SI: variants seen among roughly 807,000 people sequenced by gnomAD.
SI encodes sucrase-isomaltase, also known as sucrase-isomaltase, intestinal.
Under a neutral mutation model 253.3 loss-of-function variants are expected in SI, and 235 were observed. That is an observed-to-expected ratio of 0.93 (90% CI 0.83 to 1.03). The LOEUF is 1.03. SI is among the 50% of genes least tolerant of loss of function. The probability of loss-of-function intolerance (pLI) is 0.00; values close to 1 mark genes in which losing one functional copy is unlikely to be tolerated. For missense variants in SI, 2,442 were observed against 2,211.1 expected (o/e 1.10, Z -2.09); for synonymous variants, 819 against 712.0 (o/e 1.15, Z -2.39).
chr3:165,027,822 C>T (rs1004651873), intron 25 of SI, among the ~76,000 whole-genome samples: 6 of 151,572 alleles, frequency 4.0e-5, no homozygotes, highest in Non-Finnish European at 7.4e-5. Context: ...GACAAACCCA[C>T]AGCCAACGTA....
chr3:165,030,861 G>T lies in SI; in HGVS notation c.2743C>A (p.Leu915Ile). 6.6e-7 allele frequency: 1 copy of T among 1,510,520 alleles called. No homozygotes were observed. The highest frequency in any genetic ancestry group is 2.5e-5 in the East Asian group (1 of 40,726). 93.6% of individuals were successfully genotyped at this position (1,510,520 alleles called of 1,614,324 possible). A position where few individuals can be genotyped will look rare whatever the true frequency, so the allele number is the denominator to read the frequency against. ...FTYDASNQVL[L>I]IADLKLNLGR... ...AGATTAAGTTTGAGATCTGCAATTA[G>T]GAGAACCTTTGAAGACAAAAAAAAA... The change falls in exon 25 of 48, where the codon CTA becomes ATA. Residue 915 changes from leucine to isoleucine, a missense_variant. By Grantham distance (5) the Leu-to-Ile change is conservative. Coordinates refer to ENST00000264382, the MANE Select transcript of SI (RefSeq NM_001041.4).
intron 10 of SI, 32 bp downstream of exon 10, chr3:165,059,870 A>G: frequency 1.2e-6 from 2 of 1,603,412 alleles, no homozygotes; most frequent in Admixed American, 1.7e-5. Context: ...TTAACTTGAT[A>G]TATATTCCCA....
At chr3:164,985,251 A>G (rs568174122) in intron 45 of SI, among the ~76,000 whole-genome samples, 1 of 152,268 alleles carries the variant, frequency 6.6e-6, no homozygotes, top group African/African-American at 2.4e-5. Flanking sequence ...GAATTAACTT[A>G]ATTTGTTAAT....
chr3:165,013,569 A>AT (rs1351101768), intron 33 of SI, among the ~76,000 whole-genome samples: 8 of 152,012 alleles, frequency 5.3e-5, no homozygotes, highest in African/African-American at 1.4e-4. Context: ...GCCTACCAAC[A>AT]TTTTTTTCCT....
Position 165,049,885 on chromosome 3 carries a change from T to C in SI, c.1513-10A>G, listed in dbSNP as rs1435688146. ...AAACTTCATTCATGTCCTGAATGGA[T>C]ACAAAATGAAGAACAGCAGATTTTA... On this transcript the variant is annotated splice_polypyrimidine_tract_variant and intron_variant, in intron 13 of 47. Transcript: ENST00000264382. 5.2e-6 allele frequency: 8 copies of C among 1,531,344 alleles called. No individual in the cohort carries two copies. Among genetic ancestry groups the C allele is most frequent in the Non-Finnish European group, 7.2e-6 (8 of 1,105,374 alleles). The allele number at this position is 1,531,344 out of a possible 1,614,324, so 94.9% of individuals were successfully genotyped here.
chr3:165,073,173 TCTCTCTCTCTCTCTCTCTCTCTCTC>T (rs1714698086), intron 3 of SI, among the ~76,000 whole-genome samples: 2 of 616 alleles, frequency 3.2e-3, no homozygotes, highest in African/African-American at 7.5e-3. Context: ...CAATCATTTC[TCTCTCTCTCTCTCTCTCTCTCTCTC>T]TCTCTCTCTC....
chr3:165,018,746 A>G (rs1455269206), intron 28 of SI, among the ~76,000 whole-genome samples: 1 of 151,558 alleles, frequency 6.6e-6, no homozygotes, highest in Non-Finnish European at 1.5e-5. Context: ...AATCAAAAGT[A>G]TATTAGTCTA....
intron 13 of SI, among the ~76,000 whole-genome samples, chr3:165,050,927 A>C (rs73020937): frequency 0.045 from 6,826 of 152,114 alleles, 278 homozygotes; most frequent in African/African-American, 0.1. Context: ...CTTTGCAATC[A>C]TTAAACCTAT....
Position 165,032,669 on chromosome 3 carries a change from T to C in SI, c.2589A>G (p.Thr863=), listed in dbSNP as rs377251476. The C allele has an allele frequency of 2.2e-5, 35 of 1,604,962 alleles. No homozygotes were observed. Among genetic ancestry groups the C allele is most frequent in the Non-Finnish European group, 2.9e-5 (34 of 1,173,300 alleles). The change falls in exon 24 of 48, where the codon ACA becomes ACG. Residue 863 remains threonine, a synonymous_variant. Transcript: ENST00000264382. ...VSNNTLDIVC[T]HSSYQEGTTL... is the part of the protein sequence containing the mutation. ...TAGTTCCTTCCTGATATGATGAATG[T>C]GTGCACACAATATCTAATGTGTTCT...
At chr3:165,025,774 A>G (rs1711881973) in intron 25 of SI, among the ~76,000 whole-genome samples, 1 of 151,408 alleles carries the variant, frequency 6.6e-6, no homozygotes, top group Non-Finnish European at 1.5e-5. Flanking sequence ...AACCTTTTTC[A>G]GACAAACAAA....
At chr3:165,006,536 T>C (rs1718518563) in intron 37 of SI, among the ~76,000 whole-genome samples, 1 of 152,174 alleles carries the variant, frequency 6.6e-6, no homozygotes, top group East Asian at 1.9e-4. Context: ...CACCTACAAT[T>C]GGCCAGGCAC....
intron 37 of SI, among the ~76,000 whole-genome samples, chr3:165,003,236 A>AT (rs544511466): frequency 2.0e-5 from 3 of 151,122 alleles, no homozygotes; most frequent in Non-Finnish European, 3.0e-5. Context: ...GTGGAGAGGA[A>AT]TTTTTTTTTC....
At chr3:165,033,486 A>C in intron 22 of SI, 42 bp from the exon 23 acceptor site, 1 of 1,443,600 alleles carries the variant, frequency 6.9e-7, no homozygotes, top group Non-Finnish European at 9.2e-7. Flanking sequence ...ATGCAATGTT[A>C]AATTCTCTGC....
Position 165,033,324 on chromosome 3 carries a change from T to A in SI, c.2565+71A>T, listed in dbSNP as rs572510072. ...AAATGTAAACATCTTTTCCAAAAAA[T>A]TTATCATAAAAGAATAACCTAGGCA... On this transcript the variant is annotated intron_variant, in intron 23 of 47. Coordinates refer to ENST00000264382, the MANE Select transcript of SI (RefSeq NM_001041.4). 2.3e-4 allele frequency: 312 copies of A among 1,358,444 alleles called. 1 individual carries two copies. The African/African-American group carries it at 4.1e-3, about 18-fold the overall frequency. 84.1% of individuals were successfully genotyped at this position (1,358,444 alleles called of 1,614,324 possible).
chr3:165,005,467 C>A (rs554661317), intron 37 of SI, among the ~76,000 whole-genome samples: 194 of 151,730 alleles, frequency 1.3e-3, no homozygotes, highest in African/African-American at 4.5e-3. Flanking sequence ...ATATATATAC[C>A]CACCTACTAT....
At chr3:164,979,864 A>T (rs1031832654) in intron 47 of SI, among the ~76,000 whole-genome samples, 1 of 151,888 alleles carries the variant, frequency 6.6e-6, no homozygotes, top group Non-Finnish European at 1.5e-5. Context: ...AAAAGATTTT[A>T]TGATGCTTCA....
intron 13 of SI, among the ~76,000 whole-genome samples, chr3:165,050,936 A>G (rs1398319009): frequency 6.6e-6 from 1 of 152,054 alleles, no homozygotes; most frequent in Non-Finnish European, 1.5e-5. Context: ...CATTAAACCT[A>G]TCTTTCATAC....
At chr3:165,041,476 T>C (rs1024474889) in intron 17 of SI, among the ~76,000 whole-genome samples, 4 of 152,050 alleles carry the variant, frequency 2.6e-5, no homozygotes, top group African/African-American at 7.2e-5. Flanking sequence ...AGCTTCGATG[T>C]GGCGCTCAGT....
At chr3:165,010,861 C>T (rs936800816) in intron 34 of SI, among the ~76,000 whole-genome samples, 9 of 152,118 alleles carry the variant, frequency 5.9e-5, no homozygotes, top group Admixed American at 6.6e-5. Flanking sequence ...AAAATCCATG[C>T]CTGTCTCTCT....
Sources: allele counts gnomAD v4.1 joint callset (sites outside exome capture counted in the v4.1 genomes callset), GRCh38; gene constraint gnomAD v4.1.1; transcripts MANE v1.5; gene names NCBI Gene and HGNC (gene_info 2026-07-23, HGNC 2026-07-21).